The following SLC16A2 variants were observed in gnomAD, a reference collection of about 807,000 sequenced individuals.
SLC16A2 encodes the protein monocarboxylate transporter 8.
Under a neutral mutation model 27.2 loss-of-function variants are expected in SLC16A2, and 3 were observed. The ratio of observed to expected loss-of-function variants is 0.11; its 90% CI spans 0.05 to 0.28. The LOEUF (loss-of-function observed/expected upper bound fraction) is 0.28, where lower values mean the gene tolerates loss of function less well. Ranked by LOEUF, SLC16A2 falls within the 10% of genes least tolerant of loss-of-function variation. The pLI, the probability that SLC16A2 is intolerant of heterozygous loss-of-function variation, is 1.00. For synonymous variants in SLC16A2, 202 were observed against 187.8 expected (o/e 1.08, Z -0.62); for missense variants, 295 against 458.5 (o/e 0.64, Z 3.26).
intron 1 of SLC16A2, among the ~76,000 whole-genome samples, chrX:74,451,111 A>G (rs1376054727): frequency 1.8e-5 from 2 of 111,651 alleles, no homozygotes; most frequent in African/African-American, 6.5e-5. Flanking sequence ...CATTTAAGAG[A>G]CCTCCAATAT....
At chrX:74,483,500 C>G (rs1356033034) in intron 1 of SLC16A2, among the ~76,000 whole-genome samples, 1 of 111,082 alleles carries the variant, frequency 9.0e-6, no homozygotes, top group African/African-American at 3.3e-5. Flanking sequence ...CTCTTGATTG[C>G]TTACCACCAA....
intron 1 of SLC16A2, among the ~76,000 whole-genome samples, chrX:74,450,797 C>T: frequency 8.9e-6 from 1 of 112,103 alleles, no homozygotes; most frequent in South Asian, 3.7e-4. Context: ...GACAATATCC[C>T]CTTGGCTCTG....
chrX:74,460,690 G>A (rs1423607458), intron 1 of SLC16A2, among the ~76,000 whole-genome samples: 1 of 111,251 alleles, frequency 9.0e-6, no homozygotes, highest in African/African-American at 3.3e-5. Flanking sequence ...TTGCTCTGTC[G>A]CCCAGGCTGG....
At chrX:74,501,576 G>T (rs1177522358) in intron 1 of SLC16A2, among the ~76,000 whole-genome samples, 1 of 111,505 alleles carries the variant, frequency 9.0e-6, no homozygotes, top group East Asian at 2.8e-4. Context: ...TGCTGCTACT[G>T]CTGTCTCTGG....
chrX:74,473,460 C>G, intron 1 of SLC16A2: 1 of 540,730 alleles, frequency 1.8e-6, no homozygotes, highest in South Asian at 2.4e-5. Context: ...TTCTGAATGA[C>G]AGTCTTATCC....
At position 74,496,276 on chromosome X, in the gene SLC16A2, G is replaced by A. The variant is rs12398090; in HGVS notation, c.431-24714G>A. ...AACACACACACACACACACACACAC[G>A]CACACACACACACACACACCCCACA... On this transcript the variant is annotated intron_variant, in intron 1 of 5. Transcript: ENST00000587091. Among the ~76,000 whole-genome samples the A allele has an allele frequency of 5.0e-3, 186 of 37,133 alleles. 1 individual carries two copies. Among genetic ancestry groups the A allele is most frequent in the African/African-American group, 7.6e-3 (150 of 19,726 alleles). 32.2% of individuals were successfully genotyped at this position (37,133 alleles called of 115,157 possible).
intron 1 of SLC16A2, among the ~76,000 whole-genome samples, chrX:74,461,224 A>T (rs1929135106): frequency 9.0e-6 from 1 of 111,707 alleles, no homozygotes; most frequent in South Asian, 3.7e-4. Context: ...TTTGCCAGTG[A>T]CAAACAGTGT....
chrX:74,458,765 A>G (rs1445718913), intron 1 of SLC16A2, among the ~76,000 whole-genome samples: 1 of 111,493 alleles, frequency 9.0e-6, no homozygotes, highest in Non-Finnish European at 1.9e-5. Context: ...CCTTTATCCA[A>G]TATTTCCCCA....
intron 1 of SLC16A2, among the ~76,000 whole-genome samples, chrX:74,425,885 AG>A (rs1281755007): frequency 8.9e-6 from 1 of 112,018 alleles, no homozygotes; most frequent in Non-Finnish European, 1.9e-5. Flanking sequence ...TAAGCTCCCA[AG>A]GGGGGTCAAG....
At chrX:74,479,424 T>A (rs751553208) in intron 1 of SLC16A2, among the ~76,000 whole-genome samples, 1 of 111,756 alleles carries the variant, frequency 8.9e-6, no homozygotes, top group Non-Finnish European at 1.9e-5. Flanking sequence ...TTGCCATGGG[T>A]TTGAACTTCC....
intron 1 of SLC16A2, among the ~76,000 whole-genome samples, chrX:74,469,975 C>G (rs767795664): frequency 3.5e-4 from 39 of 111,750 alleles, no homozygotes; most frequent in South Asian, 1.9e-3. Context: ...TGTGCTTTAC[C>G]TATTCATCTC....
At chrX:74,514,839 G>A (rs1388727690) in intron 1 of SLC16A2, among the ~76,000 whole-genome samples, 1 of 112,204 alleles carries the variant, frequency 8.9e-6, no homozygotes, top group African/African-American at 3.2e-5. Context: ...TTCCTTCTTA[G>A]AGTGTCAATA....
chrX:74,425,194 A>T (rs1285118387), intron 1 of SLC16A2, among the ~76,000 whole-genome samples: 2 of 111,768 alleles, frequency 1.8e-5, no homozygotes, highest in African/African-American at 6.5e-5. Context: ...GCCTCTGGGC[A>T]TGGGAAAAAG....
intron 1 of SLC16A2, among the ~76,000 whole-genome samples, chrX:74,455,805 G>T (rs996465223): frequency 9.0e-6 from 1 of 111,595 alleles, no homozygotes; most frequent in African/African-American, 3.3e-5. Flanking sequence ...GCAAGACAAG[G>T]CTTTGGACCT....
intron 1 of SLC16A2, among the ~76,000 whole-genome samples, chrX:74,427,836 CA>C (rs1569282321): frequency 5.5e-4 from 61 of 110,140 alleles, no homozygotes; most frequent in Middle Eastern, 4.6e-3. Context: ...CACACACACA[CA>C]CACACCCATA....
chrX:74,514,571 A>G (rs778106966), intron 1 of SLC16A2, among the ~76,000 whole-genome samples: 84 of 111,445 alleles, frequency 7.5e-4, no homozygotes, highest in South Asian at 2.3e-3. Context: ...TGGTGTCAGT[A>G]GAGACCACAT....
chrX:74,525,800 C>T lies in SLC16A2; in HGVS notation c.1077C>T (p.Leu359=). Residue 359 remains leucine (L), a synonymous_variant, in exon 4 of 6, where the codon CTC becomes CTT. Coordinates refer to ENST00000587091, the MANE Select transcript of SLC16A2 (RefSeq NM_006517.5). ...CAGAAATCAAGGAGACCTGGGTGCT[C>T]TTGGTGTGTATTGGGGCTACCTCAG... ...EFSEIKETWV[L]LVCIGATSGL... 2.5e-6 allele frequency: 3 copies of T among 1,211,298 alleles called. No homozygotes were observed. The highest frequency in any genetic ancestry group is 3.4e-6 in the Non-Finnish European group (3 of 895,174).
intron 1 of SLC16A2, among the ~76,000 whole-genome samples, chrX:74,441,883 G>A (rs1428014344): frequency 9.0e-6 from 1 of 111,133 alleles, no homozygotes; most frequent in Admixed American, 9.6e-5. Context: ...CAGGTTCTGG[G>A]GCAGGGGAAA....
At chrX:74,511,412 A>T (rs1244667072) in intron 1 of SLC16A2, among the ~76,000 whole-genome samples, 1 of 111,639 alleles carries the variant, frequency 9.0e-6, no homozygotes, top group African/African-American at 3.3e-5. Flanking sequence ...CTATCTCCTG[A>T]CTTCGTGATC....
Sources: gnomAD v4.1 joint callset for allele counts (sites outside exome capture counted in the v4.1 genomes callset) on GRCh38, gnomAD v4.1.1 for gene constraint, MANE v1.5 for transcripts, NCBI Gene and HGNC (gene_info 2026-07-23, HGNC 2026-07-21) for gene names.